The following HUWE1 variants were observed in gnomAD, a reference collection of about 807,000 sequenced individuals.
The protein encoded by HUWE1 is E3 ubiquitin-protein ligase HUWE1.
Under a neutral mutation model 299.4 loss-of-function variants are expected in HUWE1, and 18 were observed. The observed-to-expected ratio is 0.06, with a 90% confidence interval of 0.04 to 0.09. The LOEUF is 0.09. Ranked by LOEUF, HUWE1 falls within the 10% of genes least tolerant of loss-of-function variation. The probability of loss-of-function intolerance (pLI) is 1.00; values close to 1 mark genes in which losing one functional copy is unlikely to be tolerated. For missense variants in HUWE1, 1,832 were observed against 3,462.3 expected (o/e 0.53, Z 11.82); for synonymous variants, 1,317 against 1,286.1 (o/e 1.02, Z -0.51).
chrX:53,552,791 G>A lies in HUWE1; in HGVS notation c.8597C>T (p.Thr2866Ile), dbSNP rs1556930525. Residue 2866 changes from threonine to isoleucine, a missense_variant, in exon 62 of 84, where the codon ACC (threonine) becomes ATC (isoleucine). Physicochemically the swap from Thr to Ile is moderately conservative, Grantham distance 89 (BLOSUM62 -1). Transcript: ENST00000262854. Reference protein sequence around the residue: ...PMDTSSLASCTLEEAVGDTSA... With the variant: ...PMDTSSLASCILEEAVGDTSA... ...AGTGTCACCCACAGCCTCCTCTAAG[G>A]TACAGGAAGCCAGGCTGCTTGTATC... 2.5e-6 allele frequency: 3 copies of A among 1,211,718 alleles called. No individual in the cohort carries two copies. The highest frequency in any genetic ancestry group is 3.4e-6 in the Non-Finnish European group (3 of 895,455).
chrX:53,665,261 T>A (rs1253643198), intron 3 of HUWE1, among the ~76,000 whole-genome samples: 3 of 111,975 alleles, frequency 2.7e-5, no homozygotes, highest in African/African-American at 9.8e-5. Flanking sequence ...CAGTAAAGTG[T>A]CATAATAAAG....
chrX:53,655,708 T>C (rs782197440), intron 3 of HUWE1, among the ~76,000 whole-genome samples: 2 of 111,670 alleles, frequency 1.8e-5, no homozygotes, highest in Admixed American at 1.9e-4. Context: ...CAAGTGGCTG[T>C]CACACTATTG....
chrX:53,661,338 C>CT (rs1196175080), intron 3 of HUWE1, among the ~76,000 whole-genome samples: 1 of 111,936 alleles, frequency 8.9e-6, no homozygotes, highest in Non-Finnish European at 1.9e-5. Context: ...CCAGCCTCAC[C>CT]TTTTTTTAAA....
chrX:53,575,269 C>G (rs149719293), intron 45 of HUWE1, 48 bp from the exon 46 acceptor site: 2 of 1,001,174 alleles, frequency 2.0e-6, no homozygotes, highest in Non-Finnish European at 1.4e-6. Flanking sequence ...CAAAAGCACC[C>G]GTCTGCAAAT....
At chrX:53,635,455 A>C (rs1557025904) in intron 7 of HUWE1, among the ~76,000 whole-genome samples, 1 of 110,295 alleles carries the variant, frequency 9.1e-6, no homozygotes, top group African/African-American at 3.3e-5. Context: ...CACAGCTAGG[A>C]CTACAGGCAT....
At chrX:53,579,376 A>G (rs1236767840) in intron 43 of HUWE1, among the ~76,000 whole-genome samples, 1 of 102,118 alleles carries the variant, frequency 9.8e-6, no homozygotes, top group Non-Finnish European at 2.0e-5. Context: ...GGTGAGGGGC[A>G]CTTCTGCCCG....
At chrX:53,674,783 T>C (rs1304001013) in intron 3 of HUWE1, among the ~76,000 whole-genome samples, 2 of 111,633 alleles carry the variant, frequency 1.8e-5, no homozygotes, top group African/African-American at 6.5e-5. Context: ...TCACTTATCT[T>C]TGTATTCCCA....
chrX:53,587,920 G>A (rs1259638320), intron 37 of HUWE1, among the ~76,000 whole-genome samples: 1 of 111,897 alleles, frequency 8.9e-6, no homozygotes, highest in African/African-American at 3.3e-5. Flanking sequence ...GCAAGGAAAA[G>A]AGAGAGGAAT....
intron 63 of HUWE1, 141 bp from the exon 64 acceptor site, chrX:53,551,621 T>C: frequency 3.7e-6 from 2 of 543,081 alleles, no homozygotes; most frequent in South Asian, 2.6e-5. Flanking sequence ...CGAGTCTTCC[T>C]GCCTCAGCAT....
At position 53,608,476 on chromosome X, in the gene HUWE1, A is replaced by T. The variant is rs781983385; in HGVS notation, c.2319+376T>A. 4.5e-5 allele frequency among the ~76,000 whole-genome samples: 5 copies of T among 112,293 alleles called. No homozygotes were observed. In the East Asian group the frequency reaches 1.4e-3, roughly 31 times the overall value. ...TATTTGCATTATACAGTACAGGCTG[A>T]AAATGCTCCAGTGAGCATTTCCCTT... On this transcript the variant is annotated intron_variant, in intron 24 of 83. Coordinates refer to ENST00000262854, the MANE Select transcript of HUWE1 (RefSeq NM_031407.7).
At chrX:53,564,547 G>A (rs1556943877) in intron 51 of HUWE1, 27 bp downstream of exon 51, 2 of 1,207,335 alleles carry the variant, frequency 1.7e-6, no homozygotes, top group East Asian at 3.0e-5. Flanking sequence ...CCGCAACAGG[G>A]AAATGCTGGG....
intron 78 of HUWE1, chrX:53,537,301 T>C (rs1021241025): frequency 7.4e-6 from 3 of 403,381 alleles, no homozygotes; most frequent in Admixed American, 8.3e-5. Flanking sequence ...AGCCAGCAGG[T>C]ATATCCTTAT....
chrX:53,540,606 C>T (rs1556917790), intron 74 of HUWE1, among the ~76,000 whole-genome samples: 1 of 112,466 alleles, frequency 8.9e-6, no homozygotes, highest in African/African-American at 3.2e-5. Flanking sequence ...GGATTAGAGG[C>T]GTGAGCCACC....
Position 53,583,618 on chromosome X carries a change from G to C in HUWE1, c.5460C>G (p.Val1820=), listed in dbSNP as rs150711441. ...CAATGATGTGTCTTAAGAGAAGGGT[G>C]ACCAGGGGAGTAAACCCATTGAAGC... ...SSGFNGFTPL[V]TLLLRHIIED... is the part of the protein sequence containing the mutation. The change falls in exon 42 of 84, where the codon GTC becomes GTG. Residue 1820 remains valine (V), a synonymous_variant. Coordinates refer to ENST00000262854, the MANE Select transcript of HUWE1 (RefSeq NM_031407.7). 1 of 1,210,910 alleles carries C rather than the reference G, an allele frequency of 8.3e-7. No individual in the cohort carries two copies. The highest frequency in any genetic ancestry group is 1.1e-6 in the Non-Finnish European group (1 of 894,826).
At chrX:53,616,898 G>A (rs1375211516) in intron 21 of HUWE1, 72 bp downstream of exon 21, 6 of 899,449 alleles carry the variant, frequency 6.7e-6, no homozygotes, top group African/African-American at 6.0e-5. Flanking sequence ...AACGATGAGA[G>A]AGATGATCAA....
intron 23 of HUWE1, 45 bp downstream of exon 23, chrX:53,614,489 T>C: frequency 2.0e-6 from 2 of 975,713 alleles, no homozygotes; most frequent in South Asian, 1.9e-5. Flanking sequence ...GGTGATAACA[T>C]GCCCACGATT....
chrX:53,603,537 T>C (rs782535162), intron 26 of HUWE1, 36 bp from the exon 27 acceptor site: 1 of 1,192,282 alleles, frequency 8.4e-7, no homozygotes, highest in Admixed American at 2.2e-5. Context: ...TTTGGGATGT[T>C]CTCTGAACAA....
rs2070330552 is a variant in HUWE1, at chrX:53,683,899, GA to G, written c.-163+2370del. ...CTCAGCCACCGCCAACGAATCCCACGAGGACGTAACCCTGCTCCCGCGAGAA... is the reference window on the plus strand; with the variant it reads ...CTCAGCCACCGCCAACGAATCCCACGGGACGTAACCCTGCTCCCGCGAGAA... On this transcript the variant is annotated intron_variant, in intron 2 of 83. Transcript: ENST00000262854. The G allele has an allele frequency of 1.1e-4, 30 of 267,600 alleles. 1 individual carries two copies. The Admixed American group carries it at 2.6e-3, about 23-fold the overall frequency. 22.1% of individuals were successfully genotyped at this position (267,600 alleles called of 1,213,427 possible).
intron 48 of HUWE1, among the ~76,000 whole-genome samples, 182 bp from the exon 49 acceptor site, chrX:53,569,056 C>T (rs1308738820): frequency 8.9e-6 from 1 of 112,108 alleles, no homozygotes; most frequent in Non-Finnish European, 1.9e-5. Context: ...CTTTTTTAGA[C>T]AGGGTCTCAC....
Sources: gnomAD v4.1 joint callset for allele counts (sites outside exome capture counted in the v4.1 genomes callset) on GRCh38, gnomAD v4.1.1 for gene constraint, MANE v1.5 for transcripts, NCBI Gene and HGNC (gene_info 2026-07-23, HGNC 2026-07-21) for gene names.